SND1: variants seen among roughly 807,000 people sequenced by gnomAD.
The protein encoded by SND1 is staphylococcal nuclease and tudor domain containing 1, also known as staphylococcal nuclease domain-containing protein 1.
SND1 carries 38 observed loss-of-function variants against 121.7 expected under a neutral mutation model. The ratio of observed to expected loss-of-function variants is 0.31; its 90% CI spans 0.24 to 0.41. The LOEUF (loss-of-function observed/expected upper bound fraction) is 0.41. Among genes scored for constraint, SND1 ranks in the 10% least tolerant of loss-of-function variants. SND1 has a pLI of 1.00. For synonymous variants in SND1, 401 were observed against 447.4 expected (o/e 0.90, Z 1.31); for missense variants, 868 against 1,184.6 (o/e 0.73, Z 3.92).
At chr7:127,816,184 C>T (rs1425917819) in intron 11 of SND1, among the ~76,000 whole-genome samples, 5 of 152,184 alleles carry the variant, frequency 3.3e-5, no homozygotes, top group African/African-American at 1.2e-4. Context: ...ACAGGGCCTC[C>T]ATCACTTCTA....
At chr7:127,903,213 C>G (rs1367879128) in intron 13 of SND1, among the ~76,000 whole-genome samples, 1 of 151,802 alleles carries the variant, frequency 6.6e-6, no homozygotes, top group African/African-American at 2.4e-5. Flanking sequence ...TTTGTAGGGA[C>G]AGGGTTTCGC....
chr7:127,744,653 T>C (rs997735033), intron 10 of SND1, among the ~76,000 whole-genome samples: 1 of 152,220 alleles, frequency 6.6e-6, no homozygotes, highest in Non-Finnish European at 1.5e-5. Context: ...TTTTCCCTTT[T>C]TTGTGTTCAA....
chr7:128,018,574 C>G (rs984162048), intron 16 of SND1, among the ~76,000 whole-genome samples: 1 of 152,110 alleles, frequency 6.6e-6, no homozygotes, highest in Non-Finnish European at 1.5e-5. Flanking sequence ...GCCCCAGAGC[C>G]AAGCCACTGT....
chr7:127,869,508 A>T (rs57415320), intron 12 of SND1, among the ~76,000 whole-genome samples: 2 of 152,280 alleles, frequency 1.3e-5, no homozygotes, highest in East Asian at 3.9e-4. Context: ...AGAGTCATTA[A>T]TGCTTTTCTT....
chr7:127,939,738 C>G (rs977683907), intron 15 of SND1, among the ~76,000 whole-genome samples: 9 of 151,994 alleles, frequency 5.9e-5, no homozygotes, highest in African/African-American at 1.9e-4. Flanking sequence ...GGTGTTCAGC[C>G]CTTACCATCT....
intron 14 of SND1, among the ~76,000 whole-genome samples, chr7:127,917,397 T>C (rs761204174): frequency 1.3e-5 from 2 of 152,212 alleles, no homozygotes; most frequent in African/African-American, 2.4e-5. Context: ...TTATTAAATC[T>C]ATTTCTGAGC....
chr7:128,066,676 C>T (rs991109939), intron 16 of SND1, among the ~76,000 whole-genome samples: 3 of 152,102 alleles, frequency 2.0e-5, no homozygotes, highest in African/African-American at 7.3e-5. Context: ...TGTGTGTGAC[C>T]GGGAGTGGAG....
intron 14 of SND1, among the ~76,000 whole-genome samples, chr7:127,926,727 TTG>T (rs1800848298): frequency 8.3e-6 from 1 of 120,598 alleles, no homozygotes; most frequent in Non-Finnish European, 1.7e-5. Context: ...TATTTTGTTG[TTG>T]TTGTTGTTGT....
chr7:127,742,784 C>T (rs926193222), intron 10 of SND1, among the ~76,000 whole-genome samples: 4 of 152,148 alleles, frequency 2.6e-5, no homozygotes, highest in Admixed American at 6.5e-5. Flanking sequence ...GATGAAGCCC[C>T]TACTGTGTGG....
chr7:127,693,943 G>T (rs1164726531), intron 2 of SND1, among the ~76,000 whole-genome samples: 1 of 152,126 alleles, frequency 6.6e-6, no homozygotes, highest in Non-Finnish European at 1.5e-5. Context: ...ATGGGGAGGG[G>T]CAAAACCACC....
chr7:127,657,070 T>C (rs1287951965), intron 1 of SND1, among the ~76,000 whole-genome samples: 2 of 152,250 alleles, frequency 1.3e-5, no homozygotes, highest in Admixed American at 6.5e-5. Context: ...GCTCTAGTTA[T>C]GTTAGCAGTG....
intron 22 of SND1, among the ~76,000 whole-genome samples, chr7:128,090,255 C>T (rs1282948221): frequency 6.6e-6 from 1 of 152,222 alleles, no homozygotes; most frequent in Non-Finnish European, 1.5e-5. Context: ...GGACTAGCTG[C>T]CTTGCCACTT....
At chr7:127,733,090 T>G (rs1049256949) in intron 10 of SND1, among the ~76,000 whole-genome samples, 1 of 152,200 alleles carries the variant, frequency 6.6e-6, no homozygotes, top group African/African-American at 2.4e-5. Flanking sequence ...TAACTTTCTC[T>G]CTCTCTCTTC....
At chr7:127,971,206 G>T (rs995901577) in intron 15 of SND1, among the ~76,000 whole-genome samples, 1 of 152,116 alleles carries the variant, frequency 6.6e-6, no homozygotes, top group African/African-American at 2.4e-5. Flanking sequence ...TGCTGTTGGG[G>T]TGGTCACCAA....
intron 1 of SND1, among the ~76,000 whole-genome samples, chr7:127,678,042 T>TC (rs1320557373): frequency 8.5e-5 from 13 of 152,196 alleles, no homozygotes; most frequent in African/African-American, 3.1e-4. Flanking sequence ...TGATTTGGTC[T>TC]CCAACACCTG....
intron 18 of SND1, among the ~76,000 whole-genome samples, chr7:128,083,774 A>G (rs916718505): frequency 3.9e-5 from 6 of 152,050 alleles, no homozygotes; most frequent in Admixed American, 3.3e-4. Flanking sequence ...ATCCACAGTC[A>G]CCCTCCTTGC....
At position 128,018,593 on chromosome 7, in the gene SND1, G is replaced by A. The variant is rs375817922; in HGVS notation, c.1779+27537G>A. On this transcript the variant is annotated intron_variant, in intron 16 of 23. Transcript: ENST00000354725. ...CAGAGCCAAGCCACTGTACCATAAAGGGTCTCACCATCCTGAATACGACCC... is the reference window on the plus strand; with the variant it reads ...CAGAGCCAAGCCACTGTACCATAAAAGGTCTCACCATCCTGAATACGACCC... 3.9e-5 allele frequency among the ~76,000 whole-genome samples: 6 copies of A among 152,282 alleles called. No individual in the cohort carries two copies. The South Asian group carries it at 1.0e-3, about 26-fold the overall frequency.
intron 16 of SND1, among the ~76,000 whole-genome samples, chr7:128,050,459 G>A (rs1793026654): frequency 6.6e-6 from 1 of 152,182 alleles, no homozygotes; most frequent in African/African-American, 2.4e-5. Flanking sequence ...TAGCTTCACT[G>A]ACGTGAGCAG....
At chr7:127,973,033 G>A (rs1802035547) in intron 15 of SND1, among the ~76,000 whole-genome samples, 1 of 152,220 alleles carries the variant, frequency 6.6e-6, no homozygotes, top group Non-Finnish European at 1.5e-5. Context: ...AGGAAGTCTG[G>A]CTGGGAGGTG....
Sources: allele counts gnomAD v4.1 joint callset (sites outside exome capture counted in the v4.1 genomes callset), GRCh38; gene constraint gnomAD v4.1.1; transcripts MANE v1.5; gene names NCBI Gene and HGNC (gene_info 2026-07-23, HGNC 2026-07-21).